The following MAP3K3 variants were observed in gnomAD, a reference collection of about 807,000 sequenced individuals.
The protein encoded by MAP3K3 is MAP/ERK kinase kinase 3.
Under a neutral mutation model 80.9 loss-of-function variants are expected in MAP3K3, and 12 were observed. The ratio of observed to expected loss-of-function variants is 0.15; its 90% CI spans 0.10 to 0.24. MAP3K3 has a LOEUF of 0.24. MAP3K3 is among the 10% of genes least tolerant of loss of function. The pLI is 1.00. For missense variants in MAP3K3, 596 were observed against 834.7 expected (o/e 0.71, Z 3.52); for synonymous variants, 272 against 307.1 (o/e 0.89, Z 1.19).
intron 3 of MAP3K3, among the ~76,000 whole-genome samples, chr17:63,649,129 C>T (rs1047255350): frequency 2.0e-5 from 3 of 151,934 alleles, no homozygotes; most frequent in Non-Finnish European, 4.4e-5. Context: ...ACAGAGGAAC[C>T]TTTTTCTTTT....
chr17:63,684,741 C>G (rs1437108266), intron 7 of MAP3K3, among the ~76,000 whole-genome samples: 1 of 152,176 alleles, frequency 6.6e-6, no homozygotes, highest in Non-Finnish European at 1.5e-5. Context: ...ATCCTTCCCT[C>G]TCGGCTCCCA....
intron 6 of MAP3K3, among the ~76,000 whole-genome samples, chr17:63,668,620 G>A (rs1486626681): frequency 6.6e-6 from 1 of 152,188 alleles, no homozygotes; most frequent in South Asian, 2.1e-4. Context: ...CCAAGCAAGA[G>A]CCTATGATAT....
chr17:63,623,518 C>T lies in MAP3K3; in HGVS notation c.4+755C>T, dbSNP rs116500653. Among the ~76,000 whole-genome samples, 759 of 152,316 alleles carry T rather than the reference C, an allele frequency of 5.0e-3. 14 individuals carry two copies. The highest frequency in any genetic ancestry group is 0.017 in the African/African-American group (726 of 41,572). On this transcript the variant is annotated intron_variant, in intron 1 of 15. Coordinates refer to ENST00000361733, the MANE Select transcript of MAP3K3 (RefSeq NM_002401.5). ...TAACTTTTGAAAGAAACATTTGCTA[C>T]ACAAAAGAATTTCTCTGAAATCACT...
At chr17:63,627,377 A>G (rs1451018305) in intron 1 of MAP3K3, among the ~76,000 whole-genome samples, 1 of 152,082 alleles carries the variant, frequency 6.6e-6, no homozygotes, top group African/African-American at 2.4e-5. Context: ...ACTCTCAGGA[A>G]ATCTTTTCAA....
chr17:63,631,602 T>G (rs1463029838), intron 1 of MAP3K3, among the ~76,000 whole-genome samples: 2 of 152,208 alleles, frequency 1.3e-5, no homozygotes, highest in African/African-American at 4.8e-5. Context: ...AAAGATCTCT[T>G]AAAGGACCTG....
rs2035633790 is a variant in MAP3K3, at chr17:63,693,459, G to T, written c.1653-90G>T. 10 of 1,194,888 alleles carry T rather than the reference G, an allele frequency of 8.4e-6. No homozygotes were observed. The South Asian group carries it at 1.4e-4, about 17-fold the overall frequency. 74.0% of individuals were successfully genotyped at this position (1,194,888 alleles called of 1,614,324 possible). ...GGCCTGTCCTGCACCTCAGCTTGCT[G>T]TGAGAAAGGCGCCTCTTTCTGCAGT... On this transcript the variant is annotated intron_variant, in intron 15 of 15. Coordinates refer to ENST00000361733, the MANE Select transcript of MAP3K3 (RefSeq NM_002401.5). This position sits in a 1 kb window ranked among gnomAD's most constrained non-coding sequence, Gnocchi z 4.2.
At chr17:63,634,479 G>A (rs890740859) in intron 2 of MAP3K3, among the ~76,000 whole-genome samples, 5 of 152,152 alleles carry the variant, frequency 3.3e-5, no homozygotes, top group Non-Finnish European at 5.9e-5. Context: ...CTTCTGCTTA[G>A]AGCCTAAAAG....
At chr17:63,671,644 G>GT (rs1436472209) in intron 6 of MAP3K3, among the ~76,000 whole-genome samples, 21 of 152,234 alleles carry the variant, frequency 1.4e-4, no homozygotes, top group Non-Finnish European at 7.4e-5. Context: ...GGTGCCTGAG[G>GT]TGATGTCATC....
At chr17:63,625,933 C>G (rs1286856719) in intron 1 of MAP3K3, among the ~76,000 whole-genome samples, 2 of 151,978 alleles carry the variant, frequency 1.3e-5, no homozygotes, top group African/African-American at 4.8e-5. Context: ...CTTAGCTGGG[C>G]GTAGTGGCAT....
At chr17:63,637,192 CAAAAAAAAA>C (rs796796374) in intron 2 of MAP3K3, 3 of 77,878 alleles carry the variant, frequency 3.9e-5, no homozygotes, top group East Asian at 5.7e-4. Flanking sequence ...TGAGACCAAC[CAAAAAAAAA>C]AAAAAAAAAA....
intron 1 of MAP3K3, among the ~76,000 whole-genome samples, chr17:63,629,982 T>C (rs1473718657): frequency 3.9e-5 from 6 of 152,232 alleles, no homozygotes; most frequent in Admixed American, 3.9e-4. Flanking sequence ...TGTATGTGTG[T>C]GCCTGTATGT....
At position 63,689,470 on chromosome 17, in the gene MAP3K3, C is replaced by G; in HGVS notation, c.872-74C>G. The G allele has an allele frequency of 7.3e-7, 1 of 1,365,256 alleles. No homozygotes were observed. The highest frequency in any genetic ancestry group is 1.4e-5 in the African/African-American group (1 of 69,480). The allele number at this position is 1,365,256 out of a possible 1,614,324, so 84.6% of individuals were successfully genotyped here. A position where few individuals can be genotyped will look rare whatever the true frequency, so the allele number is the denominator to read the frequency against. ...TTCCGCCTTGTAGCCCGGGGTGTCT[C>G]AGACCTGGTTTGTACGTTCCGCCTC... is the stretch of plus-strand genomic sequence containing the variant. On this transcript the variant is annotated intron_variant, in intron 10 of 15. Coordinates refer to ENST00000361733, the MANE Select transcript of MAP3K3 (RefSeq NM_002401.5). This position sits in a 1 kb window ranked among gnomAD's most constrained non-coding sequence, Gnocchi z 4.3.
Position 63,663,882 on chromosome 17 carries a change from A to G in MAP3K3, c.382-3058A>G, listed in dbSNP as rs147039593. On this transcript the variant is annotated intron_variant, in intron 5 of 15. Coordinates refer to ENST00000361733, the MANE Select transcript of MAP3K3 (RefSeq NM_002401.5). Reference sequence around the variant, plus strand: ...ACTCATTGAGCAAGACCCTGTCTCAAAAACAAAAAAGATGATATATGTGGC... The same window carrying G: ...ACTCATTGAGCAAGACCCTGTCTCAGAAACAAAAAAGATGATATATGTGGC... 6.8e-3 allele frequency among the ~76,000 whole-genome samples: 1,030 copies of G among 152,256 alleles called. 32 individuals carry two copies. Among genetic ancestry groups the G allele is most frequent in the Admixed American group, 0.047 (723 of 15,282 alleles).
Position 63,622,712 on chromosome 17 carries a change from C to T in MAP3K3, c.-48C>T, listed in dbSNP as rs1277532917. On this transcript the variant is annotated 5_prime_UTR_variant, in exon 1 of 16. Coordinates refer to ENST00000361733, the MANE Select transcript of MAP3K3 (RefSeq NM_002401.5). ...GGCCCCCGGCATGCAGCCCCGGCTGCGGAGGTGACACTCACGGACCTTAGC... is the reference window on the plus strand; with the variant it reads ...GGCCCCCGGCATGCAGCCCCGGCTGTGGAGGTGACACTCACGGACCTTAGC... The T allele has an allele frequency of 1.1e-5, 5 of 462,362 alleles. No individual in the cohort carries two copies. Among genetic ancestry groups the T allele is most frequent in the African/African-American group, 4.3e-5 (2 of 46,920 alleles). 28.6% of individuals were successfully genotyped at this position (462,362 alleles called of 1,614,324 possible).
rs1039552134 is a variant in MAP3K3 at position 63,692,701 on chromosome 17, G to A, written c.1652+282G>A. ...ATCCACTCTGAAGGCCTGAAGGCCTGGACCAGTCTCTCAACAGGAGCAGGC... is the reference window on the plus strand; with the variant it reads ...ATCCACTCTGAAGGCCTGAAGGCCTAGACCAGTCTCTCAACAGGAGCAGGC... On this transcript the variant is annotated intron_variant, in intron 15 of 15. Transcript: ENST00000361733. The surrounding 1 kb of genome is among the most constrained non-coding windows in gnomAD (Gnocchi z 4.5). Among the ~76,000 whole-genome samples the A allele has an allele frequency of 2.6e-5, 4 of 152,164 alleles. No individual in the cohort carries two copies. The highest frequency in any genetic ancestry group is 5.9e-5 in the Non-Finnish European group (4 of 68,038).
rs1279784297 is a variant in MAP3K3 at position 63,694,711 on chromosome 17, T to C, written c.*934T>C. On this transcript the variant is annotated 3_prime_UTR_variant, in exon 16 of 16. Coordinates refer to ENST00000361733, the MANE Select transcript of MAP3K3 (RefSeq NM_002401.5). Reference sequence around the variant, plus strand: ...CGGTCGGGGCATCTGGCCTGGCCAGTGCCCTGATCCCAGAGAGCCCGAGGA... The same window carrying C: ...CGGTCGGGGCATCTGGCCTGGCCAGCGCCCTGATCCCAGAGAGCCCGAGGA... 1 of 152,526 alleles carries C rather than the reference T, an allele frequency of 6.6e-6. No homozygotes were observed. Among genetic ancestry groups the C allele is most frequent in the Non-Finnish European group, 1.5e-5 (1 of 68,092 alleles). The allele number at this position is 152,526 out of a possible 1,614,324, so 9.4% of individuals were successfully genotyped here. A position where few individuals can be genotyped will look rare whatever the true frequency, so the allele number is the denominator to read the frequency against.
At chr17:63,651,533 A>G (rs2034656821) in intron 3 of MAP3K3, among the ~76,000 whole-genome samples, 1 of 152,146 alleles carries the variant, frequency 6.6e-6, no homozygotes, top group African/African-American at 2.4e-5. Context: ...AGCACACACA[A>G]AAGTAGACAG....
intron 5 of MAP3K3, among the ~76,000 whole-genome samples, chr17:63,663,685 A>G (rs139351584): frequency 7.0e-4 from 106 of 152,272 alleles, no homozygotes; most frequent in Middle Eastern, 6.8e-3. Context: ...TAATTTGTAT[A>G]ACAAGTGATA....
At chr17:63,627,617 T>C (rs980603589) in intron 1 of MAP3K3, among the ~76,000 whole-genome samples, 1 of 151,300 alleles carries the variant, frequency 6.6e-6, no homozygotes, top group African/African-American at 2.5e-5. Flanking sequence ...TAATTTTGTA[T>C]TTTTAGTAGA....
Sources: gnomAD v4.1 joint callset for allele counts (sites outside exome capture counted in the v4.1 genomes callset) on GRCh38, gnomAD v4.1.1 for gene constraint, Gnocchi (gnomAD v3.1) non-coding constraint, MANE v1.5 for transcripts, NCBI Gene and HGNC (gene_info 2026-07-23, HGNC 2026-07-21) for gene names.